RUNX1: variants seen among roughly 807,000 people sequenced by gnomAD.
The protein encoded by RUNX1 is runt-related transcription factor 1.
Under a neutral mutation model 42.8 loss-of-function variants are expected in RUNX1, and 19 were observed. The observed-to-expected ratio is 0.44, with a 90% confidence interval of 0.31 to 0.65. The LOEUF is 0.65. Ranked by LOEUF, RUNX1 falls within the 30% of genes least tolerant of loss-of-function variation. The pLI, the probability that RUNX1 is intolerant of heterozygous loss-of-function variation, is 0.07. For synonymous variants in RUNX1, 271 were observed against 289.4 expected, an observed-to-expected ratio of 0.94 and a Z score of 0.64; for missense variants, 528 against 672.0, an observed-to-expected ratio of 0.79 and a Z score of 2.37.
chr21:34,846,215 T>TTTTTTTTC (rs1385178245), intron 6 of RUNX1, among the ~76,000 whole-genome samples: 4 of 130,166 alleles, frequency 3.1e-5, no homozygotes, highest in African/African-American at 8.0e-5. Context: ...TTTTTTTTTT[T>TTTTTTTTC]CAAATGTTGC....
chr21:34,903,923 T>C (rs2058197193), intron 2 of RUNX1, among the ~76,000 whole-genome samples: 1 of 152,192 alleles, frequency 6.6e-6, no homozygotes, highest in African/African-American at 2.4e-5. Flanking sequence ...TATTCTCTAA[T>C]TACGTAATTA....
intron 2 of RUNX1, among the ~76,000 whole-genome samples, chr21:34,956,311 T>C (rs2834690): frequency 0.051 from 7,750 of 152,260 alleles, 642 homozygotes; most frequent in African/African-American, 0.17. Flanking sequence ...TAGTTTTGGT[T>C]GGCAGAATTT....
chr21:34,944,037 C>A (rs1438549928), intron 2 of RUNX1, among the ~76,000 whole-genome samples: 1 of 152,096 alleles, frequency 6.6e-6, no homozygotes, highest in East Asian at 1.9e-4. Flanking sequence ...AAGATGAGGT[C>A]TTGCTCTGTC....
chr21:35,014,627 T>C (rs76691544), intron 2 of RUNX1, among the ~76,000 whole-genome samples: 8,300 of 152,300 alleles, frequency 0.054, 358 homozygotes, highest in Non-Finnish European at 0.082. Flanking sequence ...GGGGAGCCAG[T>C]AGAAACCACT....
intron 8 of RUNX1, among the ~76,000 whole-genome samples, chr21:34,793,821 A>G (rs996202999): frequency 4.0e-5 from 6 of 151,850 alleles, no homozygotes; most frequent in Admixed American, 2.6e-4. Flanking sequence ...CTACTGCCTC[A>G]GCCTCCCGAG....
Position 35,048,577 on chromosome 21 carries a change from C to T in RUNX1, c.58+265G>A, listed in dbSNP as rs73900787. Among the ~76,000 whole-genome samples the T allele has an allele frequency of 0.053, 8,033 of 152,302 alleles. 227 individuals carry two copies. Among genetic ancestry groups the T allele is most frequent in the East Asian group, 0.12 (623 of 5,182 alleles). ...TTAAACAAGACCAGCACAACTTACT[C>T]GCACTTGACAAAGTTCTCACGCACC... On this transcript the variant is annotated intron_variant, in intron 2 of 8. Coordinates refer to ENST00000675419, the MANE Select transcript of RUNX1 (RefSeq NM_001754.5).
intron 2 of RUNX1, among the ~76,000 whole-genome samples, chr21:34,917,929 T>C (rs932189223): frequency 6.6e-6 from 1 of 151,850 alleles, no homozygotes; most frequent in Non-Finnish European, 1.5e-5. Flanking sequence ...AGGAGTTCAA[T>C]ACCAGCCTGG....
At chr21:34,964,826 GC>G (rs759338207) in intron 2 of RUNX1, among the ~76,000 whole-genome samples, 1 of 152,138 alleles carries the variant, frequency 6.6e-6, no homozygotes, top group Non-Finnish European at 1.5e-5. Flanking sequence ...CTTCTGACTT[GC>G]CCTGAGGGCA....
intron 2 of RUNX1, among the ~76,000 whole-genome samples, chr21:34,911,404 G>C (rs1455970756): frequency 1.3e-5 from 2 of 152,176 alleles, no homozygotes; most frequent in African/African-American, 4.8e-5. Flanking sequence ...GAGGACAGAG[G>C]AATGGGAGAT....
At chr21:35,003,722 G>T (rs987891994) in intron 2 of RUNX1, among the ~76,000 whole-genome samples, 3 of 152,128 alleles carry the variant, frequency 2.0e-5, no homozygotes, top group Admixed American at 6.5e-5. Flanking sequence ...ATTCTCAGGG[G>T]CAGATGCTTC....
chr21:35,015,879 G>A (rs11088303), intron 2 of RUNX1, among the ~76,000 whole-genome samples: 54,833 of 152,076 alleles, frequency 0.36, 10,497 homozygotes, highest in Non-Finnish European at 0.43. Context: ...AGAGAGTTAA[G>A]CCTCAGTCTT....
At chr21:34,815,479 C>T (rs566782233) in intron 7 of RUNX1, among the ~76,000 whole-genome samples, 229 of 152,268 alleles carry the variant, frequency 1.5e-3, no homozygotes, top group African/African-American at 5.0e-3. Flanking sequence ...CTGAAGCCCC[C>T]GCCATAGGGC....
rs964650136 is a variant in RUNX1 at position 34,901,107 on chromosome 21, G to A, written c.59-8144C>T. On this transcript the variant is annotated intron_variant, in intron 2 of 8. Coordinates refer to ENST00000675419, the MANE Select transcript of RUNX1 (RefSeq NM_001754.5). The surrounding 1 kb of genome is among the most constrained non-coding windows in gnomAD (Gnocchi z 4.3). ...TCATCAGAAGAAATAACCAAGGAGC[G>A]GGAATGTGGGGAGAGGTTCACAACA... Among the ~76,000 whole-genome samples the A allele has an allele frequency of 1.3e-5, 2 of 152,232 alleles. No homozygotes were observed. The highest frequency in any genetic ancestry group is 2.1e-4 in the South Asian group (1 of 4,824).
At chr21:34,908,562 T>C (rs1291263843) in intron 2 of RUNX1, among the ~76,000 whole-genome samples, 1 of 151,972 alleles carries the variant, frequency 6.6e-6, no homozygotes, top group Non-Finnish European at 1.5e-5. Context: ...AGGTGTTTCC[T>C]GGGTTTTGTG....
At chr21:34,968,049 G>A (rs549641974) in intron 2 of RUNX1, among the ~76,000 whole-genome samples, 290 of 152,228 alleles carry the variant, frequency 1.9e-3, no homozygotes, top group African/African-American at 6.7e-3. Context: ...AGCCCCAAAC[G>A]CCCGATCCAG....
At position 34,935,026 on chromosome 21, in the gene RUNX1, A is replaced by G. The variant is rs1038882695; in HGVS notation, c.59-42063T>C. Among the ~76,000 whole-genome samples the G allele has an allele frequency of 2.6e-5, 4 of 151,732 alleles. No homozygotes were observed. In the East Asian group the frequency reaches 5.8e-4, roughly 22 times the overall value. ...TGATTCTGTCTTTATTCTACATTTGATGATTCAAAATGTGACATCTTTACA... is the reference window on the plus strand; with the variant it reads ...TGATTCTGTCTTTATTCTACATTTGGTGATTCAAAATGTGACATCTTTACA... On this transcript the variant is annotated intron_variant, in intron 2 of 8. Transcript: ENST00000675419.
chr21:35,028,152 G>A (rs2059249974), intron 2 of RUNX1, among the ~76,000 whole-genome samples: 1 of 152,158 alleles, frequency 6.6e-6, no homozygotes, highest in Non-Finnish European at 1.5e-5. Context: ...ATCAAAACCA[G>A]TCAAAGACTT....
In RUNX1 at chr21:34,791,896, C is replaced by A; in HGVS notation, c.*239G>T. On this transcript the variant is annotated 3_prime_UTR_variant, in exon 9 of 9. Transcript: ENST00000675419. The stretch of plus-strand genomic sequence containing the variant: ...GGCGGACACCCTCGAGGTGCGTCGC[C>A]TCGGACACCTCCGCGAGGGCCGGGG... 1 of 283,276 alleles carries A rather than the reference C, an allele frequency of 3.5e-6. No homozygotes were observed. Among genetic ancestry groups the A allele is most frequent in the South Asian group, 8.0e-5 (1 of 12,512 alleles). 17.5% of individuals were successfully genotyped at this position (283,276 alleles called of 1,614,324 possible).
chr21:34,992,710 A>T (rs1429261353), intron 2 of RUNX1, among the ~76,000 whole-genome samples: 1 of 151,952 alleles, frequency 6.6e-6, no homozygotes, highest in African/African-American at 2.4e-5. Flanking sequence ...ACAACCCAAG[A>T]AATGGGATGG....
Sources: allele counts gnomAD v4.1 joint callset (sites outside exome capture counted in the v4.1 genomes callset), GRCh38; gene constraint gnomAD v4.1.1; non-coding constraint Gnocchi (gnomAD v3.1); transcripts MANE v1.5; gene names NCBI Gene and HGNC (gene_info 2026-07-23, HGNC 2026-07-21).